The following LIMCH1 variants were observed in gnomAD, a reference collection of about 807,000 sequenced individuals.
LIMCH1 encodes the protein LIM and calponin homology domains 1, also known as LIM and calponin homology domains-containing protein 1.
Under a neutral mutation model 176.5 loss-of-function variants are expected in LIMCH1, and 113 were observed. That is an observed-to-expected ratio of 0.64 (90% CI 0.55 to 0.75). The LOEUF (loss-of-function observed/expected upper bound fraction) is 0.75, where lower values mean the gene tolerates loss of function less well. Among genes scored for constraint, LIMCH1 ranks in the 30% least tolerant of loss-of-function variants. LIMCH1 has a pLI of 0.00. For missense variants in LIMCH1, 1,674 were observed against 1,814.9 expected, an observed-to-expected ratio of 0.92 and a Z score of 1.41; for synonymous variants, 619 against 645.9, an observed-to-expected ratio of 0.96 and a Z score of 0.63.
intron 1 of LIMCH1, among the ~76,000 whole-genome samples, chr4:41,362,748 C>T (rs1310354122): frequency 6.6e-6 from 1 of 152,112 alleles, no homozygotes; most frequent in African/African-American, 2.4e-5. Flanking sequence ...AAAATGTCTC[C>T]TTTGGCCCAG....
At chr4:41,469,176 G>A (rs2066586053) in intron 1 of LIMCH1, among the ~76,000 whole-genome samples, 1 of 152,198 alleles carries the variant, frequency 6.6e-6, no homozygotes, top group African/African-American at 2.4e-5. Flanking sequence ...GGACACTGAT[G>A]TTTTTAAAGC....
At chr4:41,368,095 T>C (rs528996660) in intron 1 of LIMCH1, among the ~76,000 whole-genome samples, 1 of 152,308 alleles carries the variant, frequency 6.6e-6, no homozygotes, top group African/African-American at 2.4e-5. Flanking sequence ...TTTTGAACAA[T>C]TATTTTATTT....
At chr4:41,382,212 A>G (rs2055782805) in intron 1 of LIMCH1, among the ~76,000 whole-genome samples, 1 of 152,214 alleles carries the variant, frequency 6.6e-6, no homozygotes, top group African/African-American at 2.4e-5. Context: ...GGAAACATGG[A>G]AGTGGGAGAT....
At chr4:41,694,747 A>G (rs1729135396) in intron 31 of LIMCH1, among the ~76,000 whole-genome samples, 1 of 151,622 alleles carries the variant, frequency 6.6e-6, no homozygotes, top group Admixed American at 6.6e-5. Flanking sequence ...GAGCATCTCC[A>G]TAGGATAGAT....
At chr4:41,686,925 T>C (rs1721263251) in intron 28 of LIMCH1, among the ~76,000 whole-genome samples, 2 of 152,214 alleles carry the variant, frequency 1.3e-5, no homozygotes, top group South Asian at 4.1e-4. Context: ...GTAATCACTA[T>C]TGTTATTGAT....
intron 1 of LIMCH1, among the ~76,000 whole-genome samples, chr4:41,411,778 T>A (rs1398166028): frequency 6.6e-6 from 1 of 151,514 alleles, no homozygotes; most frequent in Non-Finnish European, 1.5e-5. Flanking sequence ...GGCCAAATGG[T>A]GAAACCTTGT....
chr4:41,622,759 A>G (rs1269559097), intron 7 of LIMCH1, among the ~76,000 whole-genome samples: 1 of 152,212 alleles, frequency 6.6e-6, no homozygotes, highest in Non-Finnish European at 1.5e-5. Context: ...TTTCACTTCC[A>G]TTCATGTTTC....
At chr4:41,397,002 A>G (rs1010770462) in intron 1 of LIMCH1, among the ~76,000 whole-genome samples, 6 of 152,130 alleles carry the variant, frequency 3.9e-5, no homozygotes, top group Non-Finnish European at 7.4e-5. Flanking sequence ...AGTCCACCCC[A>G]CTATGGTCAT....
chr4:41,367,689 A>C lies in LIMCH1; in HGVS notation c.96+6753A>C, dbSNP rs1455270461. On this transcript the variant is annotated intron_variant, in intron 1 of 26. Transcript: ENST00000313860. ...CCCTGTCTCTACTAAAAATCCAAAA[A>C]AAAAAAAAAAAAAAAAAGGAAAGAA... Among the ~76,000 whole-genome samples the C allele has an allele frequency of 5.3e-5, 8 of 149,696 alleles. 1 individual carries two copies. The highest frequency in any genetic ancestry group is 2.0e-4 in the Admixed American group (3 of 15,058).
intron 1 of LIMCH1, among the ~76,000 whole-genome samples, chr4:41,393,006 G>A (rs2057414737): frequency 6.6e-6 from 1 of 152,104 alleles, no homozygotes; most frequent in Non-Finnish European, 1.5e-5. Flanking sequence ...CTCCAGCCTG[G>A]GTGAGAGAGC....
chr4:41,471,880 G>C (rs80266893), intron 1 of LIMCH1, among the ~76,000 whole-genome samples: 1 of 152,048 alleles, frequency 6.6e-6, no homozygotes, highest in African/African-American at 2.4e-5. Context: ...AGCTCAGCAC[G>C]CCTTTTTGGA....
chr4:41,603,046 T>C (rs572793735), intron 2 of LIMCH1, among the ~76,000 whole-genome samples: 1 of 152,308 alleles, frequency 6.6e-6, no homozygotes, highest in African/African-American at 2.4e-5. Flanking sequence ...ATATGTACTT[T>C]AGGTCAGTGT....
intron 1 of LIMCH1, among the ~76,000 whole-genome samples, chr4:41,567,346 T>C (rs890069256): frequency 2.4e-4 from 37 of 152,360 alleles, no homozygotes; most frequent in African/African-American, 8.2e-4. Context: ...ATGCCTGGCA[T>C]GTTTGAGATA....
At chr4:41,560,017 T>A (rs777144583) in intron 1 of LIMCH1, among the ~76,000 whole-genome samples, 6 of 152,142 alleles carry the variant, frequency 3.9e-5, no homozygotes, top group Non-Finnish European at 8.8e-5. Context: ...CTAGACTTCT[T>A]TTCCTGTGTT....
intron 23 of LIMCH1, among the ~76,000 whole-genome samples, chr4:41,679,035 G>A (rs916709228): frequency 1.4e-4 from 21 of 152,184 alleles, no homozygotes; most frequent in Non-Finnish European, 2.9e-5. Context: ...TCCAGAGAAT[G>A]CCAAGAAAGT....
At chr4:41,477,635 G>A in intron 1 of LIMCH1, among the ~76,000 whole-genome samples, 1 of 152,216 alleles carries the variant, frequency 6.6e-6, no homozygotes, top group East Asian at 1.9e-4. Flanking sequence ...TAGCAAAACT[G>A]TGGCTAGAAC....
At position 41,646,630 on chromosome 4, in the gene LIMCH1, A is replaced by G; in HGVS notation, c.2557A>G (p.Arg853Gly). The G allele has an allele frequency of 6.2e-7, 1 of 1,614,240 alleles. No homozygotes were observed. The highest frequency in any genetic ancestry group is 1.3e-5 in the African/African-American group (1 of 75,054). The change falls in exon 17 of 32, where the codon AGA becomes GGA. Residue 853 changes from arginine to glycine, a missense_variant. Arg to Gly is a moderately radical substitution (Grantham distance 125, BLOSUM62 -2). Transcript: ENST00000503057. Reference protein sequence around the residue: ...ERLEMPKILERSHSTEPNLSS... With the variant: ...ERLEMPKILEGSHSTEPNLSS... Reference sequence around the variant, plus strand: ...CTTGGAGATGCCAAAAATTCTGGAAAGAAGCCATTCAACAGAGCCAAATTT... The same window carrying G: ...CTTGGAGATGCCAAAAATTCTGGAAGGAAGCCATTCAACAGAGCCAAATTT...
chr4:41,619,131 T>C (rs934057802), intron 5 of LIMCH1, 57 bp from the exon 6 acceptor site: 7 of 1,597,154 alleles, frequency 4.4e-6, no homozygotes, highest in South Asian at 1.1e-5. Context: ...ATGCTTAACA[T>C]TGGGAACTTT....
intron 1 of LIMCH1, among the ~76,000 whole-genome samples, chr4:41,408,013 A>G (rs1457482882): frequency 6.6e-6 from 1 of 152,248 alleles, no homozygotes; most frequent in African/African-American, 2.4e-5. Context: ...GCATAGTTCC[A>G]TATAGAATAT....
Sources: gnomAD v4.1 joint callset for allele counts (sites outside exome capture counted in the v4.1 genomes callset) on GRCh38, gnomAD v4.1.1 for gene constraint, MANE v1.5 for transcripts, NCBI Gene and HGNC (gene_info 2026-07-23, HGNC 2026-07-21) for gene names.